Variants in NFIC observed in about 807,000 individuals in gnomAD.
NFIC encodes nuclear factor I C.
A neutral mutation model predicts 54.4 loss-of-function variants in NFIC; 12 were observed. The ratio of observed to expected loss-of-function variants is 0.22; its 90% CI spans 0.14 to 0.36. NFIC has a LOEUF of 0.36. NFIC is among the 10% of genes least tolerant of loss of function. The pLI, the probability that NFIC is intolerant of heterozygous loss-of-function variation, is 1.00. For missense variants in NFIC, 575 were observed against 718.2 expected (o/e 0.80, Z 2.28); for synonymous variants, 322 against 319.2 (o/e 1.01, Z -0.09).
In NFIC at chr19:3,452,873, C is replaced by T. The variant is rs2082490039; in HGVS notation, c.1269+207C>T. Among the ~76,000 whole-genome samples, 1 of 152,200 alleles carries T rather than the reference C, an allele frequency of 6.6e-6. No homozygotes were observed. Among genetic ancestry groups the T allele is most frequent in the Admixed American group, 6.5e-5 (1 of 15,282 alleles). ...TGTCAGGGTTTCGGGCGCATCATGT[C>T]GCACCCTGTGGGGTCTGGGTAGCAC... On this transcript the variant is annotated intron_variant, in intron 8 of 10. Coordinates refer to ENST00000443272, the MANE Select transcript of NFIC (RefSeq NM_001245002.2). This position sits in a 1 kb window ranked among gnomAD's most constrained non-coding sequence, Gnocchi z 5.3.
Position 3,425,194 on chromosome 19 carries a change from C to A in NFIC, c.634+17C>A, listed in dbSNP as rs200036551. On this transcript the variant is annotated intron_variant, in intron 3 of 10. Transcript: ENST00000443272. ...TCACGCTGGGTGAGTCTGGGGGCAG[C>A]GTGGCGGTGAAGGGCGGAGGGCGCA... is the stretch of plus-strand genomic sequence containing the variant. The A allele has an allele frequency of 8.1e-6, 13 of 1,605,902 alleles. No individual in the cohort carries two copies. The highest frequency in any genetic ancestry group is 1.1e-5 in the Non-Finnish European group (13 of 1,177,728).
chr19:3,428,417 A>T (rs1599669988), intron 3 of NFIC, among the ~76,000 whole-genome samples: 1 of 151,132 alleles, frequency 6.6e-6, no homozygotes, highest in Admixed American at 6.6e-5. Flanking sequence ...ACGCCACTGC[A>T]CTCCAGCCTG....
At chr19:3,461,182 A>G (rs1019619319) in intron 10 of NFIC, among the ~76,000 whole-genome samples, 4 of 150,490 alleles carry the variant, frequency 2.7e-5, no homozygotes, top group Non-Finnish European at 4.4e-5. Context: ...GTGGTGGCTC[A>G]TGTCTGTAAT....
rs1205141754 is a variant in NFIC, at chr19:3,369,621, C to T, written c.30+2955C>T. Reference sequence around the variant, plus strand: ...CTGGGGCATTCTGGGAGCCCCGGGCCGGGCTCAGCGGTGACTCAAGCGCTT... The same window carrying T: ...CTGGGGCATTCTGGGAGCCCCGGGCTGGGCTCAGCGGTGACTCAAGCGCTT... On this transcript the variant is annotated intron_variant, in intron 1 of 10. Coordinates refer to ENST00000443272, the MANE Select transcript of NFIC (RefSeq NM_001245002.2). The surrounding 1 kb of genome is among the most constrained non-coding windows in gnomAD (Gnocchi z 4.3). 3.9e-5 allele frequency among the ~76,000 whole-genome samples: 6 copies of T among 152,106 alleles called. No homozygotes were observed. Among genetic ancestry groups the T allele is most frequent in the African/African-American group, 7.2e-5 (3 of 41,442 alleles).
chr19:3,443,713 G>A (rs2145658249), intron 6 of NFIC, among the ~76,000 whole-genome samples: 1 of 152,264 alleles, frequency 6.6e-6, no homozygotes. Context: ...AGAGGACACT[G>A]GGTGACATCT....
Position 3,435,191 on chromosome 19 carries a change from G to A in NFIC, c.942G>A (p.Thr314=). ...CCACGAGTAGCAGCCGCAACTGGAC[G>A]GAGGACATGGAAGGAGGTAGGGCTG... is the stretch of plus-strand genomic sequence containing the variant. ...SSPTSSSRNW[T]EDMEGGISSP... is the part of the protein sequence containing the mutation. The change falls in exon 6 of 11, where the codon ACG becomes ACA. Residue 314 remains threonine, a synonymous_variant. Coordinates refer to ENST00000443272, the MANE Select transcript of NFIC (RefSeq NM_001245002.2). The A allele has an allele frequency of 6.2e-7, 1 of 1,602,916 alleles. No homozygotes were observed. The highest frequency in any genetic ancestry group is 8.5e-7 in the Non-Finnish European group (1 of 1,174,338).
At chr19:3,366,872 AC>A (rs2080897651) in intron 1 of NFIC, among the ~76,000 whole-genome samples, 1 of 147,558 alleles carries the variant, frequency 6.8e-6, no homozygotes, top group Non-Finnish European at 1.5e-5. Flanking sequence ...CCTACCGCGG[AC>A]CCCCTACGCG....
chr19:3,435,107 G>C lies in NFIC; in HGVS notation c.858G>C (p.Ser286=). 2 of 1,604,378 alleles carry C rather than the reference G, an allele frequency of 1.2e-6. No homozygotes were observed. Among genetic ancestry groups the C allele is most frequent in the Non-Finnish European group, 1.7e-6 (2 of 1,175,246 alleles). The stretch of plus-strand genomic sequence containing the variant: ...GGAGCAAGCGGCACAAATCGGGCTC[G>C]ATGGAGGAAGACGTGGACACGAGCC... ...SSGSKRHKSG[S]MEEDVDTSPG... is the part of the protein sequence containing the mutation. Residue 286 remains serine (S), a synonymous_variant, in exon 6 of 11, where the codon TCG becomes TCC. Coordinates refer to ENST00000443272, the MANE Select transcript of NFIC (RefSeq NM_001245002.2).
intron 2 of NFIC, among the ~76,000 whole-genome samples, chr19:3,401,300 G>A (rs1324826569): frequency 6.6e-6 from 1 of 152,138 alleles, no homozygotes; most frequent in East Asian, 1.9e-4. Flanking sequence ...GGCACCCTCT[G>A]CCTGCTGCAG....
intron 6 of NFIC, among the ~76,000 whole-genome samples, chr19:3,438,533 G>T (rs1489326035): frequency 6.6e-6 from 1 of 151,034 alleles, no homozygotes; most frequent in African/African-American, 2.4e-5. Context: ...CGCTTCCCGG[G>T]TTCACGCCAT....
At chr19:3,444,488 A>G (rs1457207085) in intron 6 of NFIC, among the ~76,000 whole-genome samples, 1 of 152,196 alleles carries the variant, frequency 6.6e-6, no homozygotes, top group Non-Finnish European at 1.5e-5. Flanking sequence ...TGCCTGCTGA[A>G]CAGACAGAGG....
At chr19:3,402,045 A>AT (rs34979069) in intron 2 of NFIC, among the ~76,000 whole-genome samples, 19 of 137,270 alleles carry the variant, frequency 1.4e-4, no homozygotes, top group Non-Finnish European at 1.9e-4. Flanking sequence ...TTTCTTTCTT[A>AT]TTTTTTTTTC....
chr19:3,419,686 C>A (rs2081922711), intron 2 of NFIC, among the ~76,000 whole-genome samples: 1 of 151,592 alleles, frequency 6.6e-6, no homozygotes, highest in Admixed American at 6.6e-5. Flanking sequence ...GTAATCTCAG[C>A]TACTTAGGAG....
chr19:3,453,832 C>T lies in NFIC; in HGVS notation c.1339C>T (p.Pro447Ser). Residue 447 changes from proline to serine, a missense_variant, in exon 9 of 11, where the codon CCG (proline) becomes TCG (serine). Coordinates refer to ENST00000443272, the MANE Select transcript of NFIC (RefSeq NM_001245002.2). This position sits in a 1 kb window ranked among gnomAD's most constrained non-coding sequence, Gnocchi z 6.7. ...TGCTCAGATGCTGGCACCTCCGCCC[C>T]CGGGGCTGCCACGGCTGGCGCTCCC... is the stretch of plus-strand genomic sequence containing the variant. ...LSAQMLAPPP[P>S]GLPRLALPPA... The T allele has an allele frequency of 6.3e-7, 1 of 1,594,112 alleles. No homozygotes were observed. The highest frequency in any genetic ancestry group is 8.5e-7 in the Non-Finnish European group (1 of 1,171,210).
chr19:3,427,418 A>G (rs2082043811), intron 3 of NFIC, among the ~76,000 whole-genome samples: 1 of 152,178 alleles, frequency 6.6e-6, no homozygotes, highest in African/African-American at 2.4e-5. Flanking sequence ...ATGGGGCCTG[A>G]TGCAGAGTGG....
intron 2 of NFIC, among the ~76,000 whole-genome samples, chr19:3,394,402 C>G (rs2081424365): frequency 6.6e-6 from 1 of 151,842 alleles, no homozygotes; most frequent in South Asian, 2.1e-4. Context: ...ATCGCTTGAG[C>G]CCAGGAATGT....
intron 9 of NFIC, 97 bp downstream of exon 9, chr19:3,454,013 C>T: frequency 1.4e-6 from 2 of 1,399,634 alleles, no homozygotes; most frequent in Non-Finnish European, 1.8e-6. Context: ...TCAGGCCCGA[C>T]CCTGCAGGGC....
rs960874108 is a variant in NFIC, at chr19:3,463,070, C to T, written c.*301C>T. On this transcript the variant is annotated 3_prime_UTR_variant, in exon 11 of 11. Coordinates refer to ENST00000443272, the MANE Select transcript of NFIC (RefSeq NM_001245002.2). Reference sequence around the variant, plus strand: ...GCCGCAGGACTGGAGGGCCAGGCCCCGCCACCCCCACGGGAGACCCGGGAC... The same window carrying T: ...GCCGCAGGACTGGAGGGCCAGGCCCTGCCACCCCCACGGGAGACCCGGGAC... The T allele has an allele frequency of 8.9e-5, 116 of 1,307,528 alleles. No individual in the cohort carries two copies. The highest frequency in any genetic ancestry group is 1.0e-4 in the Non-Finnish European group (108 of 1,029,618). The allele number at this position is 1,307,528 out of a possible 1,614,324, so 81.0% of individuals were successfully genotyped here. A position where few individuals can be genotyped will look rare whatever the true frequency, so the allele number is the denominator to read the frequency against.
At chr19:3,407,206 C>A (rs1050502688) in intron 2 of NFIC, among the ~76,000 whole-genome samples, 1 of 151,338 alleles carries the variant, frequency 6.6e-6, no homozygotes, top group East Asian at 1.9e-4. Flanking sequence ...CTCTGCCTCC[C>A]GGGTTCACGC....
Sources: gnomAD v4.1 joint callset for allele counts (sites outside exome capture counted in the v4.1 genomes callset) on GRCh38, gnomAD v4.1.1 for gene constraint, Gnocchi (gnomAD v3.1) non-coding constraint, MANE v1.5 for transcripts, NCBI Gene and HGNC (gene_info 2026-07-23, HGNC 2026-07-21) for gene names.